The following ARHGAP19 variants were observed in gnomAD, a reference collection of about 807,000 sequenced individuals.
ARHGAP19 encodes Rho GTPase activating protein 19.
Under a neutral mutation model 60.9 loss-of-function variants are expected in ARHGAP19, and 48 were observed. The ratio of observed to expected loss-of-function variants is 0.79; its 90% confidence interval spans 0.62 to 1.00. The LOEUF (loss-of-function observed/expected upper bound fraction) is 1.00, where lower values mean the gene tolerates loss of function less well. Among genes scored for constraint, ARHGAP19 ranks in the 50% least tolerant of loss-of-function variants. The pLI is 0.00. For synonymous variants in ARHGAP19, 209 were observed against 215.5 expected (o/e 0.97, Z 0.27); for missense variants, 562 against 597.2 (o/e 0.94, Z 0.61).
chr10:97,252,119 A>C (rs558243951), intron 6 of ARHGAP19, among the ~76,000 whole-genome samples: 2 of 152,160 alleles, frequency 1.3e-5, no homozygotes, highest in East Asian at 3.9e-4. Flanking sequence ...AGAACTAGTA[A>C]TAGTTAAGAA....
rs1669870206 is a variant in ARHGAP19 at position 97,222,503 on chromosome 10, C to T, written c.*3619G>A. ...ACTCCAGTCTCCATGGTAACCCAAGCACTCAGGCTATTATGTCCCACACCT... is the reference window on the plus strand; with the variant it reads ...ACTCCAGTCTCCATGGTAACCCAAGTACTCAGGCTATTATGTCCCACACCT... On this transcript the variant is annotated 3_prime_UTR_variant, in exon 12 of 12. Transcript: ENST00000358531. 6.6e-6 allele frequency: 1 copy of T among 152,358 alleles called. No homozygotes were observed. The highest frequency in any genetic ancestry group is 2.1e-4 in the South Asian group (1 of 4,832). The allele number at this position is 152,358 out of a possible 1,614,324, so 9.4% of individuals were successfully genotyped here.
intron 1 of ARHGAP19, among the ~76,000 whole-genome samples, chr10:97,279,483 T>C (rs1446623223): frequency 2.7e-5 from 2 of 73,510 alleles, no homozygotes; most frequent in African/African-American, 4.1e-5. Flanking sequence ...CTTTTGTGTG[T>C]GTGTGTGTGC....
intron 1 of ARHGAP19, 57 bp from the exon 2 acceptor site, chr10:97,266,182 C>A (rs923404229): frequency 1.3e-6 from 2 of 1,590,138 alleles, no homozygotes; most frequent in Non-Finnish European, 1.7e-6. Flanking sequence ...TTCTTATGCA[C>A]TACTCATTGG....
At chr10:97,229,001 G>A in intron 11 of ARHGAP19, 146 bp downstream of exon 11, 1 of 763,692 alleles carries the variant, frequency 1.3e-6, no homozygotes, top group Non-Finnish European at 2.3e-6. Context: ...TCTGGTGAAT[G>A]AACTCAAGGG....
At chr10:97,266,462 C>G (rs981652320) in intron 1 of ARHGAP19, among the ~76,000 whole-genome samples, 4 of 152,198 alleles carry the variant, frequency 2.6e-5, no homozygotes, top group Admixed American at 6.5e-5. Flanking sequence ...CTCTCTAGGG[C>G]TCCTGATCTT....
chr10:97,278,537 T>C (rs1380877885), intron 1 of ARHGAP19, among the ~76,000 whole-genome samples: 2 of 152,162 alleles, frequency 1.3e-5, no homozygotes, highest in African/African-American at 4.8e-5. Flanking sequence ...GAGAAGAGTG[T>C]GCCAAATGAG....
At position 97,259,407 on chromosome 10, in the gene ARHGAP19, T is replaced by C; in HGVS notation, c.835A>G (p.Lys279Glu). ...CTCTTCCCGTCAACACTCACATTTT[T>C]TGGCCACAGGACATGGGGTGCAAAC... ...LMFAPHVLWP[K>E]NVTANDLQEN... The change falls in exon 5 of 12, where the codon AAA (lysine) becomes GAA (glutamate). Residue 279 changes from lysine to glutamate, a missense_variant. Transcript: ENST00000358531. 6.2e-7 allele frequency: 1 copy of C among 1,613,422 alleles called. No homozygotes were observed.
At chr10:97,231,296 A>G (rs1365021187) in intron 9 of ARHGAP19, among the ~76,000 whole-genome samples, 1 of 152,122 alleles carries the variant, frequency 6.6e-6, no homozygotes, top group African/African-American at 2.4e-5. Context: ...TTAAACAATG[A>G]TAAAATGAAC....
At chr10:97,246,069 C>A (rs1390505150) in intron 7 of ARHGAP19, among the ~76,000 whole-genome samples, 1 of 152,284 alleles carries the variant, frequency 6.6e-6, no homozygotes, top group African/African-American at 2.4e-5. Flanking sequence ...AGTTACCATA[C>A]CTCACATGTG....
chr10:97,256,018 T>G (rs1034771123), intron 6 of ARHGAP19, among the ~76,000 whole-genome samples: 8 of 152,144 alleles, frequency 5.3e-5, no homozygotes, highest in Admixed American at 6.6e-5. Context: ...AAAACTCTAC[T>G]GGCAGTAAGC....
At chr10:97,283,458 G>A (rs1163184189) in intron 1 of ARHGAP19, among the ~76,000 whole-genome samples, 4 of 151,936 alleles carry the variant, frequency 2.6e-5, no homozygotes, top group Non-Finnish European at 4.4e-5. Context: ...GGAGGCCGAG[G>A]CAGGAGAACT....
rs869251930 is a variant in ARHGAP19 at position 97,239,549 on chromosome 10, A to AGG, written c.1186-4236_1186-4235dup. Among the ~76,000 whole-genome samples, 10 of 4,660 alleles carry AGG rather than the reference A, an allele frequency of 2.1e-3. 1 individual carries two copies. The East Asian group carries it at 0.068, about 32-fold the overall frequency. The allele number at this position is 4,660 out of a possible 152,430, so 3.1% of individuals were successfully genotyped here. ...AAAAGGGAGTGAGAGAGAGAGAGAG[A>AGG]GGGTGTGTGTGTGTGTGTGTGTGTG... On this transcript the variant is annotated intron_variant, in intron 8 of 11. Transcript: ENST00000358531.
chr10:97,251,225 G>GGGAAA, intron 6 of ARHGAP19, among the ~76,000 whole-genome samples: 1 of 48,236 alleles, frequency 2.1e-5, no homozygotes, highest in Non-Finnish European at 4.5e-5. Flanking sequence ...GGGAATGGAA[G>GGGAAA]GGGAAGGGAA....
At chr10:97,227,256 T>C (rs1850914478) in intron 11 of ARHGAP19, among the ~76,000 whole-genome samples, 1 of 152,220 alleles carries the variant, frequency 6.6e-6, no homozygotes, top group South Asian at 2.1e-4. Flanking sequence ...AGGTTGTATA[T>C]TCATTGTTGT....
At chr10:97,280,441 G>A (rs1589380608) in intron 1 of ARHGAP19, among the ~76,000 whole-genome samples, 1 of 151,816 alleles carries the variant, frequency 6.6e-6, no homozygotes, top group Non-Finnish European at 1.5e-5. Flanking sequence ...AGAAAAAAAA[G>A]GTAACATCAA....
At chr10:97,270,758 T>C (rs1169802873) in intron 1 of ARHGAP19, 2 of 1,273,480 alleles carry the variant, frequency 1.6e-6, no homozygotes, top group Admixed American at 2.8e-5. Flanking sequence ...AAGGGCACAT[T>C]ATGGGGCCTG....
intron 8 of ARHGAP19, among the ~76,000 whole-genome samples, chr10:97,240,710 T>A (rs561382847): frequency 1.1e-4 from 17 of 152,342 alleles, no homozygotes; most frequent in African/African-American, 4.1e-4. Context: ...ACATGAGAAA[T>A]GTTTGTAATA....
intron 5 of ARHGAP19, among the ~76,000 whole-genome samples, chr10:97,258,420 G>C (rs768564766): frequency 6.6e-6 from 1 of 152,160 alleles, no homozygotes; most frequent in Non-Finnish European, 1.5e-5. Context: ...TGTAGTCCCA[G>C]CTGCTCAGGA....
At chr10:97,242,403 A>G (rs1402548724) in intron 8 of ARHGAP19, among the ~76,000 whole-genome samples, 1 of 129,144 alleles carries the variant, frequency 7.7e-6, no homozygotes, top group African/African-American at 3.1e-5. Flanking sequence ...GCACGATCTC[A>G]GCTCACCGCA....
Sources: gnomAD v4.1 joint callset for allele counts (sites outside exome capture counted in the v4.1 genomes callset) on GRCh38, gnomAD v4.1.1 for gene constraint, MANE v1.5 for transcripts, NCBI Gene and HGNC (gene_info 2026-07-23, HGNC 2026-07-21) for gene names.